The following PHACTR2 variants were observed in gnomAD, a reference collection of about 807,000 sequenced individuals.
PHACTR2 encodes the protein chromosome 6 open reading frame 56.
A neutral mutation model predicts 76.0 loss-of-function variants in PHACTR2; 30 were observed. That is an observed-to-expected ratio of 0.39 (90% CI 0.30 to 0.54). PHACTR2 has a LOEUF of 0.54. Among genes scored for constraint, PHACTR2 ranks in the 20% least tolerant of loss-of-function variants. PHACTR2 has a pLI of 0.61. For synonymous variants in PHACTR2, 292 were observed against 292.5 expected (o/e 1.00, Z 0.02); for missense variants, 696 against 781.1 (o/e 0.89, Z 1.30).
At chr6:143,638,655 C>T (rs1034640072) in intron 1 of PHACTR2, among the ~76,000 whole-genome samples, 11 of 151,638 alleles carry the variant, frequency 7.3e-5, no homozygotes, top group African/African-American at 2.4e-4. Flanking sequence ...ATTAAACACC[C>T]CAAATGTATA....
rs1562290011 is a variant in PHACTR2, at chr6:143,742,146, T to C, written c.215-6839T>C. Among the ~76,000 whole-genome samples the C allele has an allele frequency of 2.0e-5, 3 of 150,742 alleles. No individual in the cohort carries two copies. The highest frequency in any genetic ancestry group is 2.1e-4 in the South Asian group (1 of 4,796). ...CAACATTTATTTGATACTTTTTTGA[T>C]TAGTCAGGGCTCTTCACTGCTGATG... On this transcript the variant is annotated intron_variant, in intron 2 of 12. Coordinates refer to ENST00000440869, the MANE Select transcript of PHACTR2 (RefSeq NM_001100164.2). The surrounding 1 kb of genome is among the most constrained non-coding windows in gnomAD (Gnocchi z 4.5).
intron 1 of PHACTR2, among the ~76,000 whole-genome samples, chr6:143,669,001 G>A (rs1777097518): frequency 6.6e-6 from 1 of 152,096 alleles, no homozygotes; most frequent in African/African-American, 2.4e-5. Flanking sequence ...TTCTCCTGTA[G>A]GCATTTAGTG....
In PHACTR2 at chr6:143,710,261, T is replaced by A. The variant is rs958629582; in HGVS notation, c.47-1755T>A. Among the ~76,000 whole-genome samples the A allele has an allele frequency of 3.3e-5, 5 of 152,162 alleles. 1 individual carries two copies. The highest frequency in any genetic ancestry group is 2.6e-4 in the Admixed American group (4 of 15,270). On this transcript the variant is annotated intron_variant, in intron 1 of 12. Coordinates refer to ENST00000440869, the MANE Select transcript of PHACTR2 (RefSeq NM_001100164.2). The surrounding 1 kb of genome is among the most constrained non-coding windows in gnomAD (Gnocchi z 4.9). ...TTGAGGCAAAAAGAAAACCCAGGAATCTCACCACCGTGTTGTTTCTTGGGT... is the reference window on the plus strand; with the variant it reads ...TTGAGGCAAAAAGAAAACCCAGGAAACTCACCACCGTGTTGTTTCTTGGGT...
chr6:143,655,800 T>C (rs1275650211), intron 1 of PHACTR2, among the ~76,000 whole-genome samples: 2 of 152,238 alleles, frequency 1.3e-5, no homozygotes, highest in Non-Finnish European at 2.9e-5. Context: ...TCCATACACA[T>C]GAAAGTTCTT....
rs935127944 is a variant in PHACTR2 at position 143,610,049 on chromosome 6, A to T, written c.13+1727A>T. 4.6e-5 allele frequency among the ~76,000 whole-genome samples: 7 copies of T among 152,200 alleles called. No homozygotes were observed. Among genetic ancestry groups the T allele is most frequent in the Non-Finnish European group, 1.0e-4 (7 of 68,018 alleles). On this transcript the variant is annotated intron_variant, in intron 1 of 11. Transcript: ENST00000305766. This position sits in a 1 kb window ranked among gnomAD's most constrained non-coding sequence, Gnocchi z 4.9. ...TAGGTGTAATCTCAAATATAGCCATACATACCTTTGAATAGAATAACGGGT... is the reference window on the plus strand; with the variant it reads ...TAGGTGTAATCTCAAATATAGCCATTCATACCTTTGAATAGAATAACGGGT...
chr6:143,821,456 G>A lies in PHACTR2; in HGVS notation c.1923-2218G>A, dbSNP rs1582914920. 1.3e-5 allele frequency among the ~76,000 whole-genome samples: 2 copies of A among 152,324 alleles called. No individual in the cohort carries two copies. Among genetic ancestry groups the A allele is most frequent in the Middle Eastern group, 6.8e-3 (2 of 294 alleles). The stretch of plus-strand genomic sequence containing the variant: ...TTAGTAAGTACTATCACGTGCCGGA[G>A]ATTGTATTCAATGAGTATGTAAAAA... On this transcript the variant is annotated intron_variant, in intron 12 of 12. Transcript: ENST00000440869. The surrounding 1 kb of genome is among the most constrained non-coding windows in gnomAD (Gnocchi z 5.2).
rs1450870193 is a variant in PHACTR2 at position 143,755,518 on chromosome 6, T to C, written c.454+1606T>C. On this transcript the variant is annotated intron_variant, in intron 4 of 12. Coordinates refer to ENST00000440869, the MANE Select transcript of PHACTR2 (RefSeq NM_001100164.2). The surrounding 1 kb of genome is among the most constrained non-coding windows in gnomAD (Gnocchi z 5.2). ...ATATGAATTAACCAACAGACCTTGA[T>C]GTTCTTGAAAGAAGATAGCAGACCT... 2 of 361,852 alleles carry C rather than the reference T, an allele frequency of 5.5e-6. No homozygotes were observed. Among genetic ancestry groups the C allele is most frequent in the Non-Finnish European group, 1.1e-5 (2 of 183,184 alleles). The allele number at this position is 361,852 out of a possible 1,614,324, so 22.4% of individuals were successfully genotyped here.
rs1779324177 is a variant in PHACTR2 at position 143,757,313 on chromosome 6, T to C, written c.455-3088T>C. Among the ~76,000 whole-genome samples the C allele has an allele frequency of 6.6e-6, 1 of 152,204 alleles. No individual in the cohort carries two copies. Among genetic ancestry groups the C allele is most frequent in the African/African-American group, 2.4e-5 (1 of 41,450 alleles). ...GCAAACGGGCAATTGTAGTGCAAGA[T>C]GCGAAGTACCGTAGAAGGCCTGAGC... On this transcript the variant is annotated intron_variant, in intron 4 of 12. Coordinates refer to ENST00000440869, the MANE Select transcript of PHACTR2 (RefSeq NM_001100164.2). The surrounding 1 kb of genome is among the most constrained non-coding windows in gnomAD (Gnocchi z 4.2).
intron 1 of PHACTR2, among the ~76,000 whole-genome samples, chr6:143,707,566 T>C (rs2128460045): frequency 6.6e-6 from 1 of 152,322 alleles, no homozygotes; most frequent in African/African-American, 2.4e-5. Flanking sequence ...TAATTATGTG[T>C]GGTGAAAAAT....
At chr6:143,643,878 T>G (rs17072848) in intron 1 of PHACTR2, among the ~76,000 whole-genome samples, 27,983 of 152,144 alleles carry the variant, frequency 0.18, 2,678 homozygotes, top group East Asian at 0.31. Flanking sequence ...CTAACTTTTT[T>G]CTCCTTTGTA....
At chr6:143,608,151 T>C (rs962978803), upstream of PHACTR2, 3 of 706,450 alleles carry the variant, frequency 4.2e-6, no homozygotes, top group East Asian at 2.7e-5. This position sits in a 1 kb window ranked among gnomAD's most constrained non-coding sequence, Gnocchi z 4.6. Flanking sequence ...CTTGGAGATA[T>C]AAATTTCCTG....
chr6:143,807,274 G>C lies in PHACTR2; in HGVS notation c.1922+141G>C. 1.7e-6 allele frequency: 1 copy of C among 589,702 alleles called. No individual in the cohort carries two copies. The highest frequency in any genetic ancestry group is 3.0e-6 in the Non-Finnish European group (1 of 329,268). 36.5% of individuals were successfully genotyped at this position (589,702 alleles called of 1,614,324 possible). A position where few individuals can be genotyped will look rare whatever the true frequency, so the allele number is the denominator to read the frequency against. ...CACAATTAAAAAATGTTTTTAAACAGTTTAGCTTAAAACCATCTTATGAAC... is the reference window on the plus strand; with the variant it reads ...CACAATTAAAAAATGTTTTTAAACACTTTAGCTTAAAACCATCTTATGAAC... On this transcript the variant is annotated intron_variant, in intron 12 of 12. Coordinates refer to ENST00000440869, the MANE Select transcript of PHACTR2 (RefSeq NM_001100164.2). This position sits in a 1 kb window ranked among gnomAD's most constrained non-coding sequence, Gnocchi z 5.5.
Position 143,637,440 on chromosome 6 carries a change from C to G in PHACTR2, c.13+29118C>G, listed in dbSNP as rs1297371712. 2.0e-5 allele frequency among the ~76,000 whole-genome samples: 3 copies of G among 152,148 alleles called. No homozygotes were observed. In the East Asian group the frequency reaches 5.8e-4, roughly 29 times the overall value. ...TTCTTGGACTGGTAGCTTATCTATT[C>G]CTAGTCCTCAATATGTTCTCAGTAA... is the stretch of plus-strand genomic sequence containing the variant. On this transcript the variant is annotated intron_variant, in intron 1 of 11. Coordinates refer to the PHACTR2 transcript ENST00000305766.
Position 143,562,589 on chromosome 6 carries a change from C to T in PHACTR2, c.217+25382C>T, listed in dbSNP as rs1775296251. Among the ~76,000 whole-genome samples the T allele has an allele frequency of 6.6e-6, 1 of 152,146 alleles. No homozygotes were observed. The highest frequency in any genetic ancestry group is 1.5e-5 in the Non-Finnish European group (1 of 68,044). ...GGGGACAAATATCCAAACTATATCA[C>T]TTGACTGCCTCTCCAGTGTGACTCT... On this transcript the variant is annotated intron_variant, in intron 1 of 11. Coordinates refer to the PHACTR2 transcript ENST00000367584. The surrounding 1 kb of genome is among the most constrained non-coding windows in gnomAD (Gnocchi z 5.1).
Position 143,824,639 on chromosome 6 carries a change from A to G in PHACTR2, c.*950A>G, listed in dbSNP as rs1004893956. 1.3e-5 allele frequency: 2 copies of G among 152,640 alleles called. No homozygotes were observed. Among genetic ancestry groups the G allele is most frequent in the African/African-American group, 2.4e-5 (1 of 41,448 alleles). The allele number at this position is 152,640 out of a possible 1,614,324, so 9.5% of individuals were successfully genotyped here. On this transcript the variant is annotated 3_prime_UTR_variant, in exon 13 of 13. Transcript: ENST00000440869. This position sits in a 1 kb window ranked among gnomAD's most constrained non-coding sequence, Gnocchi z 6.3. ...AGAGAAGACAGTATTGGCAATCATGACACCTGTAATAAAAACTTGAATCCA... is the reference window on the plus strand; with the variant it reads ...AGAGAAGACAGTATTGGCAATCATGGCACCTGTAATAAAAACTTGAATCCA...
At chr6:143,601,896 T>G (rs1158855024) in intron 1 of PHACTR2, among the ~76,000 whole-genome samples, 1 of 152,218 alleles carries the variant, frequency 6.6e-6, no homozygotes, top group Non-Finnish European at 1.5e-5. Flanking sequence ...TTTAAAAAAT[T>G]TTTAATTATT....
Position 143,549,416 on chromosome 6 carries a change from A to G in PHACTR2, c.217+12209A>G, listed in dbSNP as rs1327266472. Reference sequence around the variant, plus strand: ...TTCTCAGCAAGGGTTTAGAGTTTGCATGAGGTCACATGTGATTATCCAGAT... The same window carrying G: ...TTCTCAGCAAGGGTTTAGAGTTTGCGTGAGGTCACATGTGATTATCCAGAT... On this transcript the variant is annotated intron_variant, in intron 1 of 11. Transcript: ENST00000367584. This position sits in a 1 kb window ranked among gnomAD's most constrained non-coding sequence, Gnocchi z 4.2. Among the ~76,000 whole-genome samples the G allele has an allele frequency of 6.6e-6, 1 of 152,022 alleles. No individual in the cohort carries two copies. The highest frequency in any genetic ancestry group is 1.5e-5 in the Non-Finnish European group (1 of 67,964).
chr6:143,572,048 A>G (rs1012813374), intron 1 of PHACTR2, among the ~76,000 whole-genome samples: 1 of 152,252 alleles, frequency 6.6e-6, no homozygotes, highest in African/African-American at 2.4e-5. Flanking sequence ...GGGAAGCCAC[A>G]CAACTAGGAT....
chr6:143,693,227 TTTTGTTTTTG>T (rs1777688588), intron 1 of PHACTR2, among the ~76,000 whole-genome samples: 1 of 151,762 alleles, frequency 6.6e-6, no homozygotes, highest in Non-Finnish European at 1.5e-5. Flanking sequence ...AGTGTCCTTT[TTTTGTTTTTG>T]TTTTGTTTTT....
Sources: gnomAD v4.1 joint callset for allele counts (sites outside exome capture counted in the v4.1 genomes callset) on GRCh38, gnomAD v4.1.1 for gene constraint, Gnocchi (gnomAD v3.1) non-coding constraint, MANE v1.5 for transcripts, NCBI Gene and HGNC (gene_info 2026-07-23, HGNC 2026-07-21) for gene names.